PDE1A: variants seen among roughly 807,000 people sequenced by gnomAD.
The protein encoded by PDE1A is phosphodiesterase 1A, also known as dual specificity calcium/calmodulin-dependent 3',5'-cyclic nucleotide phosphodiesterase 1A.
PDE1A carries 35 observed loss-of-function variants against 61.7 expected under a neutral mutation model. The observed-to-expected ratio is 0.57, with a 90% CI of 0.43 to 0.75. The LOEUF (loss-of-function observed/expected upper bound fraction) is 0.75, where lower values mean the gene tolerates loss of function less well. Among genes scored for constraint, PDE1A ranks in the 30% least tolerant of loss-of-function variants. PDE1A has a pLI of 0.00. For synonymous variants in PDE1A, 232 were observed against 213.2 expected, an observed-to-expected ratio of 1.09 and a Z score of -0.77; for missense variants, 597 against 630.6, an observed-to-expected ratio of 0.95 and a Z score of 0.57.
intron 4 of PDE1A, among the ~76,000 whole-genome samples, chr2:182,234,227 T>C (rs1460903645): frequency 6.6e-6 from 1 of 152,150 alleles, no homozygotes; most frequent in Non-Finnish European, 1.5e-5. Flanking sequence ...TATGTTGATA[T>C]AGTTTGTGTA....
chr2:182,564,736 G>A, the PDE1A span, among the ~76,000 whole-genome samples: 6 of 152,110 alleles, frequency 3.9e-5, 1 homozygote, highest in Admixed American at 1.3e-4. Context: ...ACATTTCTTG[G>A]AGGCTTTGTT....
In PDE1A at chr2:182,467,811, C is replaced by A. The variant is rs1428601715; in HGVS notation, c.101+54465G>T. Among the ~76,000 whole-genome samples, 50 of 151,874 alleles carry A rather than the reference C, an allele frequency of 3.3e-4. No homozygotes were observed. In the Admixed American group the frequency reaches 3.3e-3, roughly 10 times the overall value. Reference sequence around the variant, plus strand: ...AGAGAGAAAACCATAGATAGGCATACCTCAGAAACATTGCAGGTTCAGTTC... The same window carrying A: ...AGAGAGAAAACCATAGATAGGCATAACTCAGAAACATTGCAGGTTCAGTTC... On this transcript the variant is annotated intron_variant, in intron 2 of 14. Coordinates refer to the PDE1A transcript ENST00000410103.
At chr2:182,567,306 C>T in the PDE1A span, among the ~76,000 whole-genome samples, 26 of 152,236 alleles carry the variant, frequency 1.7e-4, no homozygotes, top group Non-Finnish European at 3.7e-4. Flanking sequence ...GATATCTCTC[C>T]CAGCTGGTGA....
the PDE1A span, among the ~76,000 whole-genome samples, chr2:182,644,263 C>CTG: frequency 0.12 from 15,122 of 122,978 alleles, 972 homozygotes; most frequent in Middle Eastern, 0.16. Flanking sequence ...TCTTAAGACT[C>CTG]TGTGTGTGTG....
chr2:182,671,466 G>T, the PDE1A span, among the ~76,000 whole-genome samples: 23 of 150,094 alleles, frequency 1.5e-4, no homozygotes, highest in Non-Finnish European at 3.4e-4. Context: ...GAGATTACAG[G>T]CGTGAGCCAC....
At chr2:182,144,889 CTCTGCCAGAGTAAAAA>C (rs1471213637), downstream of PDE1A, among the ~76,000 whole-genome samples, 27 of 152,204 alleles carry the variant, frequency 1.8e-4, no homozygotes, top group African/African-American at 5.8e-4. Flanking sequence ...TGGGCCCTTA[CTCTGCCAGAGTAAAAA>C]TCTGCCAGAG....
At chr2:182,612,610 T>C in the PDE1A span, among the ~76,000 whole-genome samples, 1 of 152,232 alleles carries the variant, frequency 6.6e-6, no homozygotes, top group Non-Finnish European at 1.5e-5. Flanking sequence ...ATATGTAAAT[T>C]AATTATCTTG....
chr2:182,389,254 G>T (rs946264922), intron 1 of PDE1A, among the ~76,000 whole-genome samples: 1 of 151,994 alleles, frequency 6.6e-6, no homozygotes, highest in African/African-American at 2.4e-5. Flanking sequence ...TTAAGATTAG[G>T]AAACAAAGCA....
intron 2 of PDE1A, among the ~76,000 whole-genome samples, chr2:182,507,912 A>G (rs1470453103): frequency 6.6e-6 from 1 of 152,202 alleles, no homozygotes; most frequent in Non-Finnish European, 1.5e-5. Flanking sequence ...CTTGAAAAAA[A>G]TACTGTGTAG....
intron 13 of PDE1A, among the ~76,000 whole-genome samples, chr2:182,182,073 T>C (rs1038101383): frequency 3.9e-5 from 6 of 152,178 alleles, no homozygotes; most frequent in African/African-American, 7.2e-5. Context: ...ATTTTAGACA[T>C]GTCTTTGATG....
intron 2 of PDE1A, chr2:182,242,191 T>A (rs1690569604): frequency 3.5e-6 from 2 of 563,474 alleles, no homozygotes; most frequent in Non-Finnish European, 5.0e-6. Context: ...TTCATGTTGA[T>A]GGCTTTAAGG....
intron 2 of PDE1A, among the ~76,000 whole-genome samples, chr2:182,493,293 A>G (rs1688507713): frequency 7.1e-6 from 1 of 141,448 alleles, no homozygotes; most frequent in Non-Finnish European, 1.5e-5. Flanking sequence ...CTTTTTTTAT[A>G]TATATATACT....
At chr2:182,371,174 T>G (rs1000404446) in intron 1 of PDE1A, among the ~76,000 whole-genome samples, 1 of 152,094 alleles carries the variant, frequency 6.6e-6, no homozygotes, top group East Asian at 1.9e-4. Flanking sequence ...AAAAAAAGAC[T>G]ACGAAAAAAG....
chr2:182,687,961 G>A, the PDE1A span, among the ~76,000 whole-genome samples: 4 of 152,188 alleles, frequency 2.6e-5, no homozygotes, highest in South Asian at 6.2e-4. Context: ...AATGAAGTGA[G>A]AAGAGAAGTT....
the PDE1A span, among the ~76,000 whole-genome samples, chr2:182,621,293 G>A: frequency 6.6e-6 from 1 of 152,124 alleles, no homozygotes; most frequent in Non-Finnish European, 1.5e-5. Flanking sequence ...AGAATCTTTT[G>A]CTATCTGCAG....
the PDE1A span, among the ~76,000 whole-genome samples, chr2:182,557,725 T>A: frequency 1.3e-5 from 2 of 151,592 alleles, no homozygotes; most frequent in African/African-American, 4.8e-5. Context: ...AAAATAATAA[T>A]AAAATAAAAA....
the PDE1A span, among the ~76,000 whole-genome samples, chr2:182,697,868 C>G: frequency 1.3e-5 from 2 of 152,264 alleles, no homozygotes; most frequent in South Asian, 4.2e-4. Context: ...TGAGAAAACC[C>G]TGTTGGGGAA....
chr2:182,630,852 C>A, the PDE1A span, among the ~76,000 whole-genome samples: 4 of 152,054 alleles, frequency 2.6e-5, no homozygotes, highest in African/African-American at 4.8e-5. Flanking sequence ...CATAAACACA[C>A]CAAAATTTCT....
intron 3 of PDE1A, among the ~76,000 whole-genome samples, chr2:182,235,994 C>G (rs752078731): frequency 3.9e-5 from 6 of 152,174 alleles, no homozygotes; most frequent in African/African-American, 4.8e-5. Context: ...TAAGTCTTGA[C>G]TAGTTGGAAG....
Sources: allele counts gnomAD v4.1 joint callset (sites outside exome capture counted in the v4.1 genomes callset), GRCh38; gene constraint gnomAD v4.1.1; transcripts MANE v1.5; gene names NCBI Gene and HGNC (gene_info 2026-07-23, HGNC 2026-07-21).